The following TNRC18 variants were observed in gnomAD, a reference collection of about 807,000 sequenced individuals.
The protein encoded by TNRC18 is trinucleotide repeat containing 18, also known as trinucleotide repeat-containing gene 18 protein.
Under a neutral mutation model 226.7 loss-of-function variants are expected in TNRC18, and 69 were observed. That is an observed-to-expected ratio of 0.30 (90% CI 0.25 to 0.37). TNRC18 has a LOEUF of 0.37. Ranked by LOEUF, TNRC18 falls within the 10% of genes least tolerant of loss-of-function variation. TNRC18 has a pLI of 1.00. For synonymous variants in TNRC18, 2,449 were observed against 1,927.6 expected, an observed-to-expected ratio of 1.27 and a Z score of -7.09; for missense variants, 4,754 against 4,256.6, an observed-to-expected ratio of 1.12 and a Z score of -3.25.
At position 5,359,631 on chromosome 7, in the gene TNRC18, C is replaced by T. The variant is rs1792823770; in HGVS notation, c.4662-62G>A. On this transcript the variant is annotated intron_variant, in intron 14 of 29. Transcript: ENST00000430969. Reference sequence around the variant, plus strand: ...CAGACAAGGCTCGCAGGCTGAGGTCCACCCTCATGGCCCTGAAGGGTTGGG... The same window carrying T: ...CAGACAAGGCTCGCAGGCTGAGGTCTACCCTCATGGCCCTGAAGGGTTGGG... 2.5e-6 allele frequency: 4 copies of T among 1,598,464 alleles called. No homozygotes were observed. In the South Asian group the frequency reaches 3.3e-5, roughly 13 times the overall value.
chr7:5,334,653 G>A (rs1390377962), intron 18 of TNRC18, among the ~76,000 whole-genome samples: 1 of 152,166 alleles, frequency 6.6e-6, no homozygotes, highest in Non-Finnish European at 1.5e-5. Context: ...TTTTGAGGCT[G>A]ATGTGGGTGC....
rs772241156 is a variant in TNRC18 at position 5,332,989 on chromosome 7, G to A, written c.5780C>T (p.Ala1927Val). ...SEVKVRKRSP[A>V]GLLRPKKGLG... is the part of the protein sequence containing the mutation. ...CCCCTTCTTGGGCCGCAGCAGCCCC[G>A]CAGGCGACCGCTTGCGCACCTTGAC... is the stretch of plus-strand genomic sequence containing the variant. Residue 1927 changes from alanine (A) to valine (V), a missense_variant, in exon 19 of 30, where the codon GCG (alanine) becomes GTG (valine). By Grantham distance (64) the Ala-to-Val change is moderately conservative. Coordinates refer to ENST00000430969, the MANE Select transcript of TNRC18 (RefSeq NM_001080495.3). 17 of 1,571,968 alleles carry A rather than the reference G, an allele frequency of 1.1e-5. No individual in the cohort carries two copies. The highest frequency in any genetic ancestry group is 7.1e-5 in the Admixed American group (4 of 56,692).
chr7:5,370,677 G>C lies in TNRC18; in HGVS notation c.3917C>G (p.Pro1306Arg). 1 of 1,612,372 alleles carries C rather than the reference G, an allele frequency of 6.2e-7. No homozygotes were observed. ...CACGGCCTCTTGGGGCTCCAGGCTC[G>C]GGCACTGTCCCTCCCCGGCGGGCAC... ...CDVPAGEGQC[P>R]SLEPQEAVPV... is the part of the protein sequence containing the mutation. Residue 1306 changes from proline to arginine, a missense_variant, in exon 11 of 30, where the codon CCG (proline) becomes CGG (arginine). Pro to Arg is a moderately radical substitution (Grantham distance 103, BLOSUM62 -2). Coordinates refer to ENST00000430969, the MANE Select transcript of TNRC18 (RefSeq NM_001080495.3).
rs760789697 is a variant in TNRC18 at position 5,309,210 on chromosome 7, G to A, written c.8547C>T (p.Gly2849=). The change falls in exon 28 of 30, where the codon GGC becomes GGT. Residue 2849 remains glycine, a synonymous_variant. Transcript: ENST00000430969. The surrounding 1 kb of genome is among the most constrained non-coding windows in gnomAD (Gnocchi z 5.7). ...GRIQSMWESW[G]NNMVVRVKWF... The stretch of plus-strand genomic sequence containing the variant: ...ACTTGACGCGGACCACCATGTTGTT[G>A]CCCCACGACTCCCACATGCTCTGGA... 2 of 1,613,624 alleles carry A rather than the reference G, an allele frequency of 1.2e-6. No individual in the cohort carries two copies. The highest frequency in any genetic ancestry group is 2.2e-5 in the South Asian group (2 of 91,054).
chr7:5,402,048 G>A (rs1049524040), intron 2 of TNRC18, among the ~76,000 whole-genome samples: 36 of 151,904 alleles, frequency 2.4e-4, no homozygotes, highest in Middle Eastern at 3.2e-3. Flanking sequence ...GCGTGGTGGC[G>A]GGCCCCTGTA....
At chr7:5,373,073 G>A (rs539559738) in intron 10 of TNRC18, among the ~76,000 whole-genome samples, 8 of 152,094 alleles carry the variant, frequency 5.3e-5, no homozygotes, top group African/African-American at 1.7e-4. Context: ...CAGGAGAATC[G>A]TTTGAACCTG....
intron 2 of TNRC18, among the ~76,000 whole-genome samples, chr7:5,419,418 CT>C (rs943944012): frequency 2.6e-5 from 4 of 152,242 alleles, no homozygotes; most frequent in Non-Finnish European, 5.9e-5. Flanking sequence ...GGGGGCCCCC[CT>C]GCCACCACTC....
At chr7:5,420,655 G>A (rs1343274325) in intron 2 of TNRC18, 1 of 470,116 alleles carries the variant, frequency 2.1e-6, no homozygotes, top group Non-Finnish European at 4.2e-6. Context: ...AGCGCCAAAA[G>A]TAGCGTTTGC....
chr7:5,418,758 C>G (rs957186015), intron 2 of TNRC18, among the ~76,000 whole-genome samples: 3 of 152,196 alleles, frequency 2.0e-5, no homozygotes, highest in Non-Finnish European at 2.9e-5. Flanking sequence ...CTGCACCCCA[C>G]AAAGAAAACG....
intron 2 of TNRC18, among the ~76,000 whole-genome samples, chr7:5,403,820 A>G (rs1438994668): frequency 6.6e-6 from 1 of 151,976 alleles, no homozygotes; most frequent in African/African-American, 2.4e-5. Context: ...GCATCCCTTA[A>G]AATGTCAACA....
intron 2 of TNRC18, among the ~76,000 whole-genome samples, chr7:5,405,730 C>G (rs1041638398): frequency 6.6e-5 from 10 of 152,170 alleles, no homozygotes; most frequent in African/African-American, 2.4e-4. Context: ...GGCAACAGAG[C>G]AAGACTCTGT....
chr7:5,319,190 A>T, intron 24 of TNRC18, among the ~76,000 whole-genome samples: 1 of 152,172 alleles, frequency 6.6e-6, no homozygotes, highest in Non-Finnish European at 1.5e-5. Flanking sequence ...GACTAATATG[A>T]TGGAAAAAAC....
chr7:5,344,646 A>G (rs1421324988), intron 18 of TNRC18, among the ~76,000 whole-genome samples: 3 of 152,150 alleles, frequency 2.0e-5, no homozygotes, highest in African/African-American at 4.8e-5. Context: ...CCCTGCCAGG[A>G]GAGCCTCATA....
intron 2 of TNRC18, among the ~76,000 whole-genome samples, chr7:5,400,778 C>T (rs1190368691): frequency 6.6e-6 from 1 of 152,124 alleles, no homozygotes; most frequent in South Asian, 2.1e-4. Flanking sequence ...GTGGCTCACA[C>T]CTTTAATCTC....
intron 10 of TNRC18, among the ~76,000 whole-genome samples, chr7:5,373,179 C>G (rs1280235912): frequency 6.6e-6 from 1 of 152,034 alleles, no homozygotes; most frequent in Non-Finnish European, 1.5e-5. Flanking sequence ...AAATAAATAG[C>G]CAAGTCCAGT....
intron 2 of TNRC18, among the ~76,000 whole-genome samples, chr7:5,407,622 T>C (rs1003712206): frequency 3.3e-5 from 5 of 152,176 alleles, no homozygotes; most frequent in Admixed American, 6.5e-5. Context: ...TCCAATCAGG[T>C]ACCCAGCCCA....
intron 18 of TNRC18, among the ~76,000 whole-genome samples, chr7:5,342,944 C>G (rs1017388033): frequency 1.3e-5 from 2 of 152,200 alleles, no homozygotes; most frequent in Non-Finnish European, 2.9e-5. Context: ...CAGCCATCAA[C>G]ATCGAGGCAA....
chr7:5,405,787 G>C (rs1781426367), intron 2 of TNRC18, among the ~76,000 whole-genome samples: 1 of 152,108 alleles, frequency 6.6e-6, no homozygotes, highest in African/African-American at 2.4e-5. Context: ...AATTAGCCCA[G>C]GCACAGTGGC....
Position 5,389,079 on chromosome 7 carries a change from C to A in TNRC18, c.745G>T (p.Gly249Cys). Residue 249 changes from glycine to cysteine, a missense_variant, in exon 5 of 30, where the codon GGC (glycine) becomes TGC (cysteine). Transcript: ENST00000430969. Reference protein sequence around the residue: ...VDLTQEARAEGRQDRGPPRLA... With the variant: ...VDLTQEARAECRQDRGPPRLA... ...CGCGGGGGCCCCCGGTCCTGGCGGC[C>A]CTCGGCGCGCGCCTCCTGGGTCAGG... 1 of 1,280,700 alleles carries A rather than the reference C, an allele frequency of 7.8e-7. No homozygotes were observed. The highest frequency in any genetic ancestry group is 9.9e-7 in the Non-Finnish European group (1 of 1,006,934). The allele number at this position is 1,280,700 out of a possible 1,614,324, so 79.3% of individuals were successfully genotyped here. A position where few individuals can be genotyped will look rare whatever the true frequency, so the allele number is the denominator to read the frequency against.
Sources: gnomAD v4.1 joint callset for allele counts (sites outside exome capture counted in the v4.1 genomes callset) on GRCh38, gnomAD v4.1.1 for gene constraint, Gnocchi (gnomAD v3.1) non-coding constraint, MANE v1.5 for transcripts, NCBI Gene and HGNC (gene_info 2026-07-23, HGNC 2026-07-21) for gene names.